The following DIAPH2 variants were observed in gnomAD, a reference collection of about 807,000 sequenced individuals.
DIAPH2 encodes the protein protein diaphanous homolog 2.
DIAPH2 carries 35 observed loss-of-function variants against 92.7 expected under a neutral mutation model. That is an observed-to-expected ratio of 0.38 (90% CI 0.29 to 0.50). The LOEUF is 0.50. Among genes scored for constraint, DIAPH2 ranks in the 20% least tolerant of loss-of-function variants. DIAPH2 has a pLI of 0.94. For synonymous variants in DIAPH2, 301 were observed against 280.4 expected (o/e 1.07, Z -0.73); for missense variants, 701 against 819.5 (o/e 0.86, Z 1.77).
chrX:96,815,346 T>C (rs1165794253), intron 4 of DIAPH2, among the ~76,000 whole-genome samples: 9 of 111,519 alleles, frequency 8.1e-5, no homozygotes, highest in African/African-American at 2.9e-4. Flanking sequence ...GCGCGGGATA[T>C]AATCTTCTCG....
Position 96,684,951 on chromosome X carries a change from A to T in DIAPH2, c.-108A>T. ...TTCCCGGGCAGACACTCTCTCCCTC[A>T]GGAAGAGGTGCCGCCGAGTCAGCGC... On this transcript the variant is annotated 5_prime_UTR_variant, in exon 1 of 27. Coordinates refer to ENST00000324765, the MANE Select transcript of DIAPH2 (RefSeq NM_006729.5). The T allele has an allele frequency of 2.3e-6, 2 of 876,809 alleles. No individual in the cohort carries two copies. The highest frequency in any genetic ancestry group is 2.1e-5 in the African/African-American group (1 of 47,924). 72.3% of individuals were successfully genotyped at this position (876,809 alleles called of 1,213,427 possible). A position where few individuals can be genotyped will look rare whatever the true frequency, so the allele number is the denominator to read the frequency against.
intron 22 of DIAPH2, among the ~76,000 whole-genome samples, chrX:97,195,054 G>C (rs1332257744): frequency 8.9e-6 from 1 of 111,930 alleles, no homozygotes; most frequent in Non-Finnish European, 1.9e-5. Context: ...CTATTGTTTA[G>C]TCTTAGGATA....
chrX:96,991,418 T>C (rs1233456732), intron 17 of DIAPH2, among the ~76,000 whole-genome samples: 1 of 110,325 alleles, frequency 9.1e-6, no homozygotes, highest in Admixed American at 9.7e-5. Context: ...GTGCCTGGCC[T>C]ATTAGTCCCA....
At chrX:97,295,588 C>T (rs145435196) in intron 23 of DIAPH2, among the ~76,000 whole-genome samples, 1,176 of 111,474 alleles carry the variant, frequency 0.011, 16 homozygotes, top group African/African-American at 0.037. Context: ...TCAACTGAGG[C>T]ACAGAGAAAT....
chrX:97,480,529 A>G (rs2070643377), intron 26 of DIAPH2, among the ~76,000 whole-genome samples: 1 of 111,752 alleles, frequency 8.9e-6, no homozygotes, highest in African/African-American at 3.3e-5. Context: ...AAGAATACAT[A>G]AAGCTCTGGA....
At position 96,843,803 on chromosome X, in the gene DIAPH2, G is replaced by A. The variant is rs757937149; in HGVS notation, c.448-37776G>A. 9.9e-5 allele frequency among the ~76,000 whole-genome samples: 11 copies of A among 111,579 alleles called. No individual in the cohort carries two copies. The South Asian group carries it at 3.4e-3, about 35-fold the overall frequency. The stretch of plus-strand genomic sequence containing the variant: ...TATGCATGCTGGTGGAAGATTATCC[G>A]TGGACCCTCCCCGTTATCTGCCTCC... On this transcript the variant is annotated intron_variant, in intron 4 of 26. Transcript: ENST00000324765.
intron 26 of DIAPH2, among the ~76,000 whole-genome samples, chrX:97,583,539 C>A (rs1602682756): frequency 1.8e-5 from 2 of 112,526 alleles, no homozygotes; most frequent in Middle Eastern, 9.2e-3. Context: ...GTTCTCAGAT[C>A]TCCAGCTGCA....
chrX:97,535,554 C>T (rs765062822), intron 26 of DIAPH2, among the ~76,000 whole-genome samples: 14 of 111,258 alleles, frequency 1.3e-4, no homozygotes, highest in Non-Finnish European at 2.3e-4. Flanking sequence ...TGGGTTCAAG[C>T]GATTCTCCTG....
intron 26 of DIAPH2, among the ~76,000 whole-genome samples, chrX:97,510,275 T>C (rs1202651384): frequency 1.8e-5 from 2 of 111,768 alleles, no homozygotes; most frequent in Non-Finnish European, 3.8e-5. Context: ...ATGAGCATTT[T>C]TTCATGTGTC....
At chrX:97,215,144 A>C (rs2067873405) in intron 22 of DIAPH2, among the ~76,000 whole-genome samples, 1 of 111,610 alleles carries the variant, frequency 9.0e-6, no homozygotes, top group African/African-American at 3.3e-5. Context: ...GCATAAAGGA[A>C]ATATAATGAT....
chrX:96,854,598 C>CATATATATATATAT lies in DIAPH2; in HGVS notation c.448-26950_448-26937dup, dbSNP rs57209486. 3.0e-4 allele frequency among the ~76,000 whole-genome samples: 11 copies of CATATATATATATAT among 37,118 alleles called. 1 individual carries two copies. Among genetic ancestry groups the CATATATATATATAT allele is most frequent in the Non-Finnish European group, 4.7e-4 (9 of 19,232 alleles). The allele number at this position is 37,118 out of a possible 115,157, so 32.2% of individuals were successfully genotyped here. On this transcript the variant is annotated intron_variant, in intron 4 of 26. Coordinates refer to ENST00000324765, the MANE Select transcript of DIAPH2 (RefSeq NM_006729.5). ...AAAAACCAAGACTCTCTCTCTCTCT[C>CATATATATATATAT]ATATATATATATATATATATATATA...
At chrX:97,247,477 A>G (rs908683941) in intron 22 of DIAPH2, among the ~76,000 whole-genome samples, 29 of 111,580 alleles carry the variant, frequency 2.6e-4, no homozygotes, top group African/African-American at 9.4e-4. Flanking sequence ...CTAATGGCTG[A>G]GTAAAATGGT....
intron 26 of DIAPH2, among the ~76,000 whole-genome samples, chrX:97,481,065 C>A (rs1249140570): frequency 8.9e-6 from 1 of 111,954 alleles, no homozygotes; most frequent in African/African-American, 3.2e-5. Context: ...TCTACCTCAT[C>A]AAGGCTTCGT....
chrX:97,443,903 A>G (rs2070284002), intron 26 of DIAPH2, among the ~76,000 whole-genome samples: 1 of 112,151 alleles, frequency 8.9e-6, no homozygotes. Context: ...TAGAGTGACA[A>G]TAATACCCTT....
chrX:97,178,174 G>T (rs1602394705), intron 22 of DIAPH2, among the ~76,000 whole-genome samples: 1 of 110,833 alleles, frequency 9.0e-6, no homozygotes, highest in East Asian at 2.8e-4. Flanking sequence ...TGGAGGTCAA[G>T]GCTGCAGTGA....
intron 17 of DIAPH2, among the ~76,000 whole-genome samples, chrX:97,010,570 G>T (rs1297511051): frequency 8.9e-6 from 1 of 111,746 alleles, no homozygotes; most frequent in Non-Finnish European, 1.9e-5. Context: ...CTTGCCTCCT[G>T]TAATTCCTGT....
chrX:97,275,107 C>T (rs5921755), intron 23 of DIAPH2, among the ~76,000 whole-genome samples: 2,589 of 112,249 alleles, frequency 0.023, 29 homozygotes, highest in Middle Eastern at 0.041. Context: ...CTTTTCTACT[C>T]GACAAAACTG....
intron 26 of DIAPH2, among the ~76,000 whole-genome samples, chrX:97,506,298 C>T (rs1015774298): frequency 9.3e-6 from 1 of 107,491 alleles, no homozygotes; most frequent in East Asian, 2.9e-4. Context: ...TACAGGCGCA[C>T]GCCATGAAGC....
At chrX:97,277,715 C>G (rs967631243) in intron 23 of DIAPH2, among the ~76,000 whole-genome samples, 3 of 111,985 alleles carry the variant, frequency 2.7e-5, no homozygotes, top group Non-Finnish European at 5.6e-5. Context: ...CCATTCTTAC[C>G]CTGTTCCTCA....
Sources: allele counts gnomAD v4.1 joint callset (sites outside exome capture counted in the v4.1 genomes callset), GRCh38; gene constraint gnomAD v4.1.1; transcripts MANE v1.5; gene names NCBI Gene and HGNC (gene_info 2026-07-23, HGNC 2026-07-21).